Variants in RAB11FIP5 observed in about 807,000 individuals in gnomAD.
RAB11FIP5 encodes RAB11 family interacting protein 5.
A neutral mutation model predicts 85.1 loss-of-function variants in RAB11FIP5; 48 were observed. The observed-to-expected ratio is 0.56, with a 90% confidence interval of 0.45 to 0.72. RAB11FIP5 has a LOEUF of 0.72. RAB11FIP5 is among the 30% of genes least tolerant of loss of function. RAB11FIP5 has a pLI of 0.00. For missense variants in RAB11FIP5, 1,491 were observed against 1,687.0 expected (o/e 0.88, Z 2.04); for synonymous variants, 729 against 727.3 (o/e 1.00, Z -0.04).
At chr2:73,082,552 A>G (rs761613537) in intron 3 of RAB11FIP5, among the ~76,000 whole-genome samples, 3 of 152,186 alleles carry the variant, frequency 2.0e-5, no homozygotes, top group Non-Finnish European at 2.9e-5. Context: ...CTAACTGGCT[A>G]AGGAATATAA....
At position 73,081,951 on chromosome 2, in the gene RAB11FIP5, C is replaced by G. The variant is rs1683992073; in HGVS notation, c.1569-288G>C. Among the ~76,000 whole-genome samples, 1 of 151,926 alleles carries G rather than the reference C, an allele frequency of 6.6e-6. No homozygotes were observed. Among genetic ancestry groups the G allele is most frequent in the Non-Finnish European group, 1.5e-5 (1 of 67,998 alleles). On this transcript the variant is annotated intron_variant, in intron 3 of 5. Coordinates refer to ENST00000486777, the MANE Select transcript of RAB11FIP5 (RefSeq NM_001371272.1). This position sits in a 1 kb window ranked among gnomAD's most constrained non-coding sequence, Gnocchi z 4.2. ...TCCGATCCAAACCTAACCAAGTGTT[C>G]TTTCCTCTATCCCATGCTGAAGCTT...
rs1440305619 is a variant in RAB11FIP5, at chr2:73,074,796, T to G, written c.*725A>C. ...GCTCGAAAAGCAAAAAGGTGCTCTC[T>G]CCGCACCCGCCCCTGCGCCCCACAC... On this transcript the variant is annotated 3_prime_UTR_variant, in exon 6 of 6. Coordinates refer to ENST00000486777, the MANE Select transcript of RAB11FIP5 (RefSeq NM_001371272.1). The G allele has an allele frequency of 1.0e-5, 2 of 200,114 alleles. No individual in the cohort carries two copies. The highest frequency in any genetic ancestry group is 4.6e-5 in the African/African-American group (2 of 43,620). The allele number at this position is 200,114 out of a possible 1,614,324, so 12.4% of individuals were successfully genotyped here. A position where few individuals can be genotyped will look rare whatever the true frequency, so the allele number is the denominator to read the frequency against.
Position 73,080,531 on chromosome 2 carries a change from G to A in RAB11FIP5, c.2701C>T (p.Pro901Ser). The change falls in exon 4 of 6, where the codon CCT becomes TCT. Residue 901 changes from proline to serine, a missense_variant. Transcript: ENST00000486777. ...SDKGLQPSTP[P>S]PKPPRLFTPS... ...GTGAAGAGGCGCGGTGGCTTGGGAG[G>A]TGGGGTGCTGGGCTGCAGCCCCTTG... 4 of 1,232,800 alleles carry A rather than the reference G, an allele frequency of 3.2e-6. No homozygotes were observed. The highest frequency in any genetic ancestry group is 4.0e-6 in the Non-Finnish European group (4 of 988,254). The allele number at this position is 1,232,800 out of a possible 1,614,324, so 76.4% of individuals were successfully genotyped here.
chr2:73,098,090 G>A (rs1292064521), intron 1 of RAB11FIP5, among the ~76,000 whole-genome samples: 2 of 152,208 alleles, frequency 1.3e-5, no homozygotes, highest in African/African-American at 4.8e-5. Flanking sequence ...GGACTTCGGT[G>A]CCAGGCTGCC....
chr2:73,093,535 G>C (rs1684259335), intron 1 of RAB11FIP5, among the ~76,000 whole-genome samples: 1 of 152,210 alleles, frequency 6.6e-6, no homozygotes, highest in African/African-American at 2.4e-5. Context: ...CAACCCTGCA[G>C]GGCCCTCTCT....
intron 1 of RAB11FIP5, among the ~76,000 whole-genome samples, chr2:73,109,414 G>T (rs1684598913): frequency 6.6e-6 from 1 of 152,144 alleles, no homozygotes; most frequent in Non-Finnish European, 1.5e-5. Flanking sequence ...TTTTACAGAT[G>T]GTGTCTTATC....
chr2:73,076,946 G>A (rs973907304), intron 4 of RAB11FIP5, among the ~76,000 whole-genome samples: 1 of 152,154 alleles, frequency 6.6e-6, no homozygotes, highest in African/African-American at 2.4e-5. Context: ...GACCTCTGTG[G>A]AGCCGACACT....
Position 73,075,753 on chromosome 2 carries a change from G to A in RAB11FIP5, c.3772-29C>T. 1.3e-6 allele frequency: 2 copies of A among 1,560,636 alleles called. No homozygotes were observed. The highest frequency in any genetic ancestry group is 1.7e-6 in the Non-Finnish European group (2 of 1,152,034). ...AGGCCGGACCGAAGACAGTGAGCAG[G>A]GCAGCCCTAGGCCTGCCTGCCTGCC... On this transcript the variant is annotated intron_variant, in intron 5 of 5. Coordinates refer to ENST00000486777, the MANE Select transcript of RAB11FIP5 (RefSeq NM_001371272.1). This position sits in a 1 kb window ranked among gnomAD's most constrained non-coding sequence, Gnocchi z 4.6.
Position 73,088,121 on chromosome 2 carries a change from G to T in RAB11FIP5, c.1497C>A (p.Ser499=). 6.2e-7 allele frequency: 1 copy of T among 1,613,994 alleles called. No individual in the cohort carries two copies. Residue 499 remains serine, a synonymous_variant, in exon 3 of 6, where the codon TCC becomes TCA. Transcript: ENST00000486777. ...TACTCTTGGCCTTTTCCTCCCCACT[G>T]GATGAGTGATGTGGGGAGGCCCCCA... is the stretch of plus-strand genomic sequence containing the variant. ...PILGASPHHS[S]SGEEKAKSSW... is the part of the protein sequence containing the mutation.
In RAB11FIP5 at chr2:73,088,720, A is replaced by C; in HGVS notation, c.898T>G (p.Phe300Val). The C allele has an allele frequency of 6.2e-7, 1 of 1,609,080 alleles. No homozygotes were observed. Among genetic ancestry groups the C allele is most frequent in the African/African-American group, 1.3e-5 (1 of 75,012 alleles). The change falls in exon 3 of 6, where the codon TTC becomes GTC. Residue 300 changes from phenylalanine to valine, a missense_variant. Physicochemically the swap from Phe to Val is conservative, Grantham distance 50. Coordinates refer to ENST00000486777, the MANE Select transcript of RAB11FIP5 (RefSeq NM_001371272.1). The part of the protein sequence containing the change: ...GRDSAQSPKL[F>V]THKRTYSDEA... ...TCGCTGTAGGTCCTCTTATGGGTGA[A>C]CAGCTTGGGGGACTGTGCAGAGTCC...
At chr2:73,104,348 C>T (rs531062691) in intron 1 of RAB11FIP5, among the ~76,000 whole-genome samples, 1 of 152,190 alleles carries the variant, frequency 6.6e-6, no homozygotes, top group East Asian at 1.9e-4. Flanking sequence ...GAGGCTGAGG[C>T]AGGCAGATCA....
intron 3 of RAB11FIP5, among the ~76,000 whole-genome samples, chr2:73,085,433 A>G (rs1363134734): frequency 1.3e-4 from 20 of 152,196 alleles, no homozygotes; most frequent in Admixed American, 1.3e-3. Flanking sequence ...GATAGACACA[A>G]AGACAATCCA....
Position 73,079,910 on chromosome 2 carries a change from G to A in RAB11FIP5, c.3322C>T (p.Pro1108Ser), listed in dbSNP as rs576168295. 2 of 1,232,332 alleles carry A rather than the reference G, an allele frequency of 1.6e-6. No homozygotes were observed. The highest frequency in any genetic ancestry group is 2.0e-6 in the Non-Finnish European group (2 of 988,212). 76.3% of individuals were successfully genotyped at this position (1,232,332 alleles called of 1,614,324 possible). A position where few individuals can be genotyped will look rare whatever the true frequency, so the allele number is the denominator to read the frequency against. The change falls in exon 4 of 6, where the codon CCC becomes TCC. Residue 1108 changes from proline to serine, a missense_variant. By Grantham distance (74) the Pro-to-Ser change is moderately conservative (BLOSUM62 -1). Around this residue, in one of 3 missense-constraint regions of RAB11FIP5, gnomAD observed 48 missense variants for 89.9 expected, o/e 0.53. Transcript: ENST00000486777. ...TGGCTGGCCCAAGGCGGGAGAGGGG[G>A]CGGTGGAAAGTCAGGCTCTGGGGGA... is the stretch of plus-strand genomic sequence containing the variant. ...PTPPEPDFPP[P>S]PLPPWASHHR...
rs563533868 is a variant in RAB11FIP5 at position 73,090,384 on chromosome 2, T to C, written c.432-1069A>G. On this transcript the variant is annotated intron_variant, in intron 1 of 5. Transcript: ENST00000486777. ...CAAACTCCGATCACACAAGGAGCAA[T>C]CACACTTCTTGGTACTTTGCCTACT... is the stretch of plus-strand genomic sequence containing the variant. 6.6e-5 allele frequency among the ~76,000 whole-genome samples: 10 copies of C among 152,248 alleles called. No homozygotes were observed. In the South Asian group the frequency reaches 2.1e-3, roughly 32 times the overall value.
rs937128466 is a variant in RAB11FIP5 at position 73,088,557 on chromosome 2, T to C, written c.1061A>G (p.His354Arg). ...YNEEPQGPVR[H>R]RSSISGSLPS... ...AAGCGAGCCCGAGATGGAGCTGCGG[T>C]GCCGCACAGGGCCCTGGGGCTCCTC... The change falls in exon 3 of 6, where the codon CAC becomes CGC. Residue 354 changes from histidine (H) to arginine (R), a missense_variant. Coordinates refer to ENST00000486777, the MANE Select transcript of RAB11FIP5 (RefSeq NM_001371272.1). The C allele has an allele frequency of 1.2e-6, 2 of 1,613,882 alleles. No homozygotes were observed. Among genetic ancestry groups the C allele is most frequent in the African/African-American group, 2.7e-5 (2 of 75,070 alleles).
chr2:73,109,320 C>T (rs1405866762), intron 1 of RAB11FIP5, among the ~76,000 whole-genome samples: 1 of 152,180 alleles, frequency 6.6e-6, no homozygotes, highest in Non-Finnish European at 1.5e-5. Flanking sequence ...ACCCCAGCCA[C>T]CACCATCACA....
chr2:73,094,558 A>G (rs1293068382), intron 1 of RAB11FIP5, among the ~76,000 whole-genome samples: 1 of 152,068 alleles, frequency 6.6e-6, no homozygotes, highest in Non-Finnish European at 1.5e-5. Flanking sequence ...CTGGTTATCT[A>G]TATTTCTCAG....
Position 73,075,708 on chromosome 2 carries a change from T to A in RAB11FIP5, c.3788A>T (p.Asp1263Val), listed in dbSNP as rs1683843864. Reference protein sequence around the residue: ...TKRLKDSAVLDQSAKYYHLTH... With the variant: ...TKRLKDSAVLVQSAKYYHLTH... ...CAGGTGGTAGTACTTGGCCGACTGG[T>A]CCAGCACAGCTGAGTCCTGAGGCCG... is the stretch of plus-strand genomic sequence containing the variant. The change falls in exon 6 of 6, where the codon GAC becomes GTC. Residue 1263 changes from aspartate to valine, a missense_variant. Around this residue, in one of 3 missense-constraint regions of RAB11FIP5, gnomAD observed 232 missense variants for 259.1 expected, o/e 0.90. Coordinates refer to ENST00000486777, the MANE Select transcript of RAB11FIP5 (RefSeq NM_001371272.1). The surrounding 1 kb of genome is among the most constrained non-coding windows in gnomAD (Gnocchi z 4.6). The A allele has an allele frequency of 6.2e-7, 1 of 1,608,202 alleles. No individual in the cohort carries two copies. The highest frequency in any genetic ancestry group is 1.7e-5 in the Admixed American group (1 of 59,356).
intron 1 of RAB11FIP5, among the ~76,000 whole-genome samples, chr2:73,090,463 C>T (rs1406841965): frequency 6.6e-6 from 1 of 152,240 alleles, no homozygotes; most frequent in African/African-American, 2.4e-5. Context: ...TTTATAGCAG[C>T]TCTGTTCATG....
Sources: allele counts gnomAD v4.1 joint callset (sites outside exome capture counted in the v4.1 genomes callset), GRCh38; gene constraint gnomAD v4.1.1; regional missense constraint gnomAD v4.1.1; non-coding constraint Gnocchi (gnomAD v3.1); transcripts MANE v1.5; gene names NCBI Gene and HGNC (gene_info 2026-07-23, HGNC 2026-07-21).